The following MYT1L variants were observed in gnomAD, a reference collection of about 807,000 sequenced individuals.
The protein encoded by MYT1L is myelin transcription factor 1 like.
MYT1L carries 12 observed loss-of-function variants against 126.7 expected under a neutral mutation model. The observed-to-expected ratio is 0.09, with a 90% CI of 0.06 to 0.15. MYT1L has a LOEUF of 0.15. Ranked by LOEUF, MYT1L falls within the 10% of genes least tolerant of loss-of-function variation. The pLI, the probability that MYT1L is intolerant of heterozygous loss-of-function variation, is 1.00. For missense variants in MYT1L, 979 were observed against 1,585.2 expected (o/e 0.62, Z 6.49); for synonymous variants, 541 against 604.2 (o/e 0.90, Z 1.53).
intron 2 of MYT1L, among the ~76,000 whole-genome samples, chr2:2,266,931 C>T (rs1399377738): frequency 1.3e-5 from 2 of 152,196 alleles, no homozygotes; most frequent in Non-Finnish European, 2.9e-5. Context: ...AAAGCTCTTT[C>T]CTTTATAAAT....
rs147372422 is a variant in MYT1L, at chr2:2,009,898, GTTTT to G, written c.-157-12555_-157-12552del. 7.1e-3 allele frequency among the ~76,000 whole-genome samples: 812 copies of G among 114,302 alleles called. 3 individuals are homozygous for G. The highest frequency in any genetic ancestry group is 0.028 in the Middle Eastern group (6 of 216). 75.0% of individuals were successfully genotyped at this position (114,302 alleles called of 152,430 possible). The stretch of plus-strand genomic sequence containing the variant: ...TTCTTCTATACCTAAACTGTTAAGA[GTTTT>G]TTTTTTTTTTTTTTTTCATGAAAGG... On this transcript the variant is annotated intron_variant, in intron 4 of 24. Coordinates refer to ENST00000647738, the MANE Select transcript of MYT1L (RefSeq NM_001303052.2).
chr2:1,993,160 C>T (rs1441090472), intron 5 of MYT1L, among the ~76,000 whole-genome samples: 2 of 152,210 alleles, frequency 1.3e-5, no homozygotes, highest in African/African-American at 4.8e-5. Flanking sequence ...CACACAGATG[C>T]CCTGAGTGAA....
intron 1 of MYT1L, among the ~76,000 whole-genome samples, chr2:2,307,399 C>A (rs1483448472): frequency 6.6e-6 from 1 of 151,958 alleles, no homozygotes; most frequent in Non-Finnish European, 1.5e-5. Flanking sequence ...TAATGACAGG[C>A]TACTCTAAAG....
chr2:1,956,065 C>T (rs1429150731), intron 8 of MYT1L, among the ~76,000 whole-genome samples: 3 of 151,432 alleles, frequency 2.0e-5, no homozygotes, highest in Non-Finnish European at 4.4e-5. Flanking sequence ...ATCTATCTAT[C>T]TACCTATCAT....
intron 1 of MYT1L, among the ~76,000 whole-genome samples, chr2:2,290,122 G>T (rs1332745921): frequency 1.3e-5 from 2 of 152,196 alleles, no homozygotes; most frequent in Non-Finnish European, 2.9e-5. Flanking sequence ...CAAATTGCAG[G>T]ACATGGGCAG....
At chr2:1,854,622 T>A (rs1242154220) in intron 18 of MYT1L, among the ~76,000 whole-genome samples, 1 of 152,208 alleles carries the variant, frequency 6.6e-6, no homozygotes, top group African/African-American at 2.4e-5. Context: ...TTTTTAGAGC[T>A]TTCACTGTAC....
intron 5 of MYT1L, among the ~76,000 whole-genome samples, chr2:1,982,587 CTG>C (rs2060690872): frequency 6.6e-6 from 1 of 152,098 alleles, no homozygotes; most frequent in African/African-American, 2.4e-5. Flanking sequence ...AAAAGAAAAA[CTG>C]TGGTGAGGGT....
intron 2 of MYT1L, among the ~76,000 whole-genome samples, chr2:2,177,835 T>C (rs1169287118): frequency 1.3e-5 from 2 of 152,128 alleles, no homozygotes; most frequent in Non-Finnish European, 2.9e-5. Context: ...CAATTCAAGA[T>C]AAGATTTGGG....
At chr2:1,895,631 A>G (rs1017584904) in intron 14 of MYT1L, among the ~76,000 whole-genome samples, 2 of 152,260 alleles carry the variant, frequency 1.3e-5, no homozygotes, top group African/African-American at 4.8e-5. Context: ...ATAATGGCTG[A>G]GCTATTTGTA....
chr2:2,226,262 G>A (rs1467660726), intron 2 of MYT1L, among the ~76,000 whole-genome samples: 2 of 152,252 alleles, frequency 1.3e-5, no homozygotes, highest in East Asian at 1.9e-4. Flanking sequence ...GGAACATAGC[G>A]GGGGCTTTTC....
intron 9 of MYT1L, among the ~76,000 whole-genome samples, chr2:1,930,537 T>C (rs571936309): frequency 6.6e-6 from 1 of 152,330 alleles, no homozygotes; most frequent in Admixed American, 6.5e-5. Flanking sequence ...TCAGATCCTC[T>C]GTGATGGCAC....
At chr2:1,976,871 C>T (rs921930543) in intron 8 of MYT1L, among the ~76,000 whole-genome samples, 1 of 152,088 alleles carries the variant, frequency 6.6e-6, no homozygotes, top group Non-Finnish European at 1.5e-5. Flanking sequence ...ATTTTTGCAC[C>T]GTTTTACATA....
chr2:1,979,441 G>A lies in MYT1L; in HGVS notation c.89+80C>T. ...GGCGTGAGCAAGCTGCCGATGAGCT[G>A]GAAGGTGCAGTGTGCCCATTAGAAG... On this transcript the variant is annotated intron_variant, in intron 7 of 24. Transcript: ENST00000647738. The surrounding 1 kb of genome is among the most constrained non-coding windows in gnomAD (Gnocchi z 4.0). 7.3e-7 allele frequency: 1 copy of A among 1,372,032 alleles called. No individual in the cohort carries two copies. Among genetic ancestry groups the A allele is most frequent in the South Asian group, 1.2e-5 (1 of 86,004 alleles). The allele number at this position is 1,372,032 out of a possible 1,614,324, so 85.0% of individuals were successfully genotyped here. A position where few individuals can be genotyped will look rare whatever the true frequency, so the allele number is the denominator to read the frequency against.
At position 1,793,814 on chromosome 2, in the gene MYT1L, A is replaced by C. The variant is rs565431256; in HGVS notation, c.3277-1350T>G. On this transcript the variant is annotated intron_variant, in intron 23 of 24. Transcript: ENST00000647738. The surrounding 1 kb of genome is among the most constrained non-coding windows in gnomAD (Gnocchi z 4.6). ...TCGTGTTCTTTGGGGTTATTTATCA[A>C]ATTAATGTTCCCCTCCCAGCCGCCC... 3.3e-5 allele frequency among the ~76,000 whole-genome samples: 5 copies of C among 152,220 alleles called. No homozygotes were observed. The highest frequency in any genetic ancestry group is 4.8e-5 in the African/African-American group (2 of 41,554).
chr2:1,818,087 C>T (rs1253896738), intron 21 of MYT1L, among the ~76,000 whole-genome samples: 2 of 152,188 alleles, frequency 1.3e-5, no homozygotes, highest in East Asian at 1.9e-4. Flanking sequence ...GAGGCCCTGA[C>T]ATTTTTTATC....
At chr2:2,307,394 A>C (rs1573415896) in intron 1 of MYT1L, among the ~76,000 whole-genome samples, 2 of 152,098 alleles carry the variant, frequency 1.3e-5, no homozygotes, top group East Asian at 3.9e-4. Flanking sequence ...GAAGATAATG[A>C]CAGGCTACTC....
chr2:2,061,190 T>C (rs2070429826), intron 3 of MYT1L, among the ~76,000 whole-genome samples: 2 of 152,296 alleles, frequency 1.3e-5, no homozygotes, highest in South Asian at 4.1e-4. Flanking sequence ...TTGTTTTCAC[T>C]AGTGGCTCAT....
At position 2,328,281 on chromosome 2, in the gene MYT1L, T is replaced by G. The variant is rs145460241; in HGVS notation, c.-521+2686A>C. Among the ~76,000 whole-genome samples the G allele has an allele frequency of 4.8e-3, 723 of 152,198 alleles. 6 individuals carry two copies. The highest frequency in any genetic ancestry group is 0.017 in the African/African-American group (691 of 41,532). ...CAGACAGTGAAATAATTGGGTATAT[T>G]CAAGAGTAAGGTACAAAATAGAAAC... On this transcript the variant is annotated intron_variant, in intron 1 of 24. Transcript: ENST00000647738.
Position 1,889,971 on chromosome 2 carries a change from T to C in MYT1L, c.2284-494A>G, listed in dbSNP as rs1452808228. ...ATCAGCTTAAAAATTCTCTTTTTTA[T>C]TGATGCTAATAGTTCAAGAATTAGG... On this transcript the variant is annotated intron_variant, in intron 15 of 24. Transcript: ENST00000647738. This position sits in a 1 kb window ranked among gnomAD's most constrained non-coding sequence, Gnocchi z 4.1. Among the ~76,000 whole-genome samples, 7 of 152,168 alleles carry C rather than the reference T, an allele frequency of 4.6e-5. No individual in the cohort carries two copies. The highest frequency in any genetic ancestry group is 4.4e-5 in the Non-Finnish European group (3 of 68,032).
Sources: allele counts gnomAD v4.1 joint callset (sites outside exome capture counted in the v4.1 genomes callset), GRCh38; gene constraint gnomAD v4.1.1; non-coding constraint Gnocchi (gnomAD v3.1); transcripts MANE v1.5; gene names NCBI Gene and HGNC (gene_info 2026-07-23, HGNC 2026-07-21).